Variants in CSMD2 observed in about 807,000 individuals in gnomAD.
CSMD2 encodes the protein CUB and Sushi multiple domains 2.
In CSMD2, 130 loss-of-function variants were observed where a neutral mutation model predicts 398.5. The ratio of observed to expected loss-of-function variants is 0.33; its 90% CI spans 0.28 to 0.38. CSMD2 has a LOEUF of 0.38. Among genes scored for constraint, CSMD2 ranks in the 10% least tolerant of loss-of-function variants. The probability of loss-of-function intolerance (pLI) is 1.00; values close to 1 mark genes in which losing one functional copy is unlikely to be tolerated. For missense variants in CSMD2, 3,829 were observed against 4,764.9 expected, an observed-to-expected ratio of 0.80 and a Z score of 5.78; for synonymous variants, 1,828 against 1,908.5, an observed-to-expected ratio of 0.96 and a Z score of 1.10.
chr1:33,965,966 C>A (rs1405315386), intron 3 of CSMD2, among the ~76,000 whole-genome samples: 2 of 152,190 alleles, frequency 1.3e-5, no homozygotes, highest in Non-Finnish European at 2.9e-5. Flanking sequence ...CGGGAGAAAC[C>A]AGCAGTAAGC....
At chr1:34,104,723 C>T (rs1660354756) in intron 1 of CSMD2, among the ~76,000 whole-genome samples, 1 of 152,234 alleles carries the variant, frequency 6.6e-6, no homozygotes, top group East Asian at 1.9e-4. Context: ...CATCACTATG[C>T]ATGCCTTCTG....
At chr1:33,804,157 T>C (rs1655948756) in intron 10 of CSMD2, among the ~76,000 whole-genome samples, 1 of 152,224 alleles carries the variant, frequency 6.6e-6, no homozygotes. Flanking sequence ...CAGCTTAGCT[T>C]AGAGCTTGTA....
chr1:33,680,067 C>A (rs772166505), intron 25 of CSMD2, among the ~76,000 whole-genome samples: 1 of 151,560 alleles, frequency 6.6e-6, no homozygotes. Flanking sequence ...GCTACAGGTG[C>A]CCGCCACCAC....
At chr1:33,727,317 C>T (rs1047559828) in intron 15 of CSMD2, among the ~76,000 whole-genome samples, 1 of 152,212 alleles carries the variant, frequency 6.6e-6, no homozygotes. Flanking sequence ...GGCCTAGGCA[C>T]AGCTGCTGGC....
intron 3 of CSMD2, among the ~76,000 whole-genome samples, chr1:33,958,554 T>C (rs907125256): frequency 2.0e-5 from 3 of 152,170 alleles, no homozygotes; most frequent in Admixed American, 1.3e-4. Flanking sequence ...AAAGAAATTC[T>C]CCTGGGTGAG....
rs11807281 is a variant in CSMD2 at position 34,113,684 on chromosome 1, C to T, written c.188-24491G>A. ...AGGAAGCCCCAGACATTCTGCCCCA[C>T]AGAAACACTGACTTAACAACAATAC... On this transcript the variant is annotated intron_variant, in intron 1 of 70. Coordinates refer to ENST00000373381, the MANE Select transcript of CSMD2 (RefSeq NM_001281956.2). Among the ~76,000 whole-genome samples the T allele has an allele frequency of 5.9e-3, 904 of 152,258 alleles. 14 individuals are homozygous for T. Among genetic ancestry groups the T allele is most frequent in the African/African-American group, 0.021 (861 of 41,530 alleles).
At chr1:33,933,199 A>T (rs1644365891) in intron 4 of CSMD2, among the ~76,000 whole-genome samples, 1 of 152,208 alleles carries the variant, frequency 6.6e-6, no homozygotes, top group Non-Finnish European at 1.5e-5. Flanking sequence ...TTGGAGAAGT[A>T]GGGGATCCAA....
intron 5 of CSMD2, among the ~76,000 whole-genome samples, chr1:33,890,423 G>A (rs897402095): frequency 6.6e-6 from 1 of 151,818 alleles, no homozygotes; most frequent in Non-Finnish European, 1.5e-5. Context: ...GTAGAGACGG[G>A]GTTTCACCAT....
intron 22 of CSMD2, among the ~76,000 whole-genome samples, chr1:33,705,884 G>T (rs1571285978): frequency 6.8e-6 from 1 of 147,892 alleles, no homozygotes; most frequent in Non-Finnish European, 1.5e-5. Flanking sequence ...ACATATTTGT[G>T]GCTTCTTTAT....
At chr1:33,731,291 T>C (rs767419189) in intron 15 of CSMD2, among the ~76,000 whole-genome samples, 4 of 152,202 alleles carry the variant, frequency 2.6e-5, no homozygotes, top group Non-Finnish European at 4.4e-5. Flanking sequence ...TCTTTAAGTG[T>C]AGCATTTCAG....
chr1:34,032,119 A>AGG (rs1650523756), intron 3 of CSMD2, among the ~76,000 whole-genome samples: 1 of 152,178 alleles, frequency 6.6e-6, no homozygotes, highest in African/African-American at 2.4e-5. Flanking sequence ...AAAAGCCCCT[A>AGG]ATCCATGCTA....
intron 9 of CSMD2, among the ~76,000 whole-genome samples, chr1:33,818,677 A>G (rs1431655759): frequency 6.6e-6 from 1 of 152,220 alleles, no homozygotes. Context: ...AACATTATAA[A>G]CTGTAGAACA....
intron 24 of CSMD2, among the ~76,000 whole-genome samples, chr1:33,696,501 G>A (rs1054476796): frequency 1.3e-5 from 2 of 152,196 alleles, no homozygotes; most frequent in African/African-American, 2.4e-5. Flanking sequence ...CCCATGGCAG[G>A]GAGTAGGGTG....
At chr1:34,066,356 C>A (rs968224155) in intron 2 of CSMD2, among the ~76,000 whole-genome samples, 4 of 152,182 alleles carry the variant, frequency 2.6e-5, no homozygotes, top group African/African-American at 9.7e-5. Flanking sequence ...CTCCTGCATC[C>A]CCCTCTCTGC....
At chr1:33,612,616 C>T (rs545401460) in intron 40 of CSMD2, among the ~76,000 whole-genome samples, 19 of 151,940 alleles carry the variant, frequency 1.3e-4, no homozygotes, top group African/African-American at 4.6e-4. Context: ...ATTATCCAAC[C>T]ATACAGTTCA....
intron 3 of CSMD2, among the ~76,000 whole-genome samples, chr1:34,015,663 T>C (rs541218475): frequency 6.8e-4 from 104 of 152,344 alleles, no homozygotes; most frequent in Non-Finnish European, 1.3e-3. Flanking sequence ...TGCAGTCTTA[T>C]TGTTCATGGC....
intron 5 of CSMD2, among the ~76,000 whole-genome samples, chr1:33,886,723 C>T (rs2125191464): frequency 6.6e-6 from 1 of 152,348 alleles, no homozygotes; most frequent in East Asian, 1.9e-4. Context: ...GAAAGGGTTT[C>T]CCCTTGGCAG....
At chr1:33,545,207 C>A (rs890516483) in intron 57 of CSMD2, among the ~76,000 whole-genome samples, 2 of 152,122 alleles carry the variant, frequency 1.3e-5, no homozygotes, top group Admixed American at 1.3e-4. Context: ...GAGTACTATG[C>A]AAGCTGTATT....
chr1:33,880,629 G>T (rs1641171643), intron 5 of CSMD2, among the ~76,000 whole-genome samples: 1 of 152,180 alleles, frequency 6.6e-6, no homozygotes, highest in African/African-American at 2.4e-5. Flanking sequence ...GATGAGAAAA[G>T]ATTTCCATAA....
Sources: gnomAD v4.1 joint callset for allele counts (sites outside exome capture counted in the v4.1 genomes callset) on GRCh38, gnomAD v4.1.1 for gene constraint, MANE v1.5 for transcripts, NCBI Gene and HGNC (gene_info 2026-07-23, HGNC 2026-07-21) for gene names.